PLEKHG3: variants seen among roughly 807,000 people sequenced by gnomAD.
The protein encoded by PLEKHG3 is pleckstrin homology and RhoGEF domain containing G3, also known as pleckstrin homology domain-containing family G member 3.
A neutral mutation model predicts 94.9 loss-of-function variants in PLEKHG3; 62 were observed. That is an observed-to-expected ratio of 0.65 (90% CI 0.53 to 0.81). PLEKHG3 has a LOEUF of 0.81. Ranked by LOEUF, PLEKHG3 falls within the 30% of genes least tolerant of loss-of-function variation. The pLI is 0.00. For synonymous variants in PLEKHG3, 614 were observed against 654.0 expected (o/e 0.94, Z 0.93); for missense variants, 1,461 against 1,619.3 (o/e 0.90, Z 1.68).
In PLEKHG3 at chr14:64,743,205, C is replaced by T. The variant is rs1262341874; in HGVS notation, c.3162C>T (p.Cys1054=). 3 of 1,609,908 alleles carry T rather than the reference C, an allele frequency of 1.9e-6. No individual in the cohort carries two copies. Among genetic ancestry groups the T allele is most frequent in the Non-Finnish European group, 2.5e-6 (3 of 1,179,856 alleles). ...TFSWPDVREL[C]SKYASRDEAR... ...GCTGGCCCGACGTCCGTGAGCTCTG[C>T]TCCAAGTATGCCTCCCGCGATGAGG... The change falls in exon 17 of 17, where the codon TGC becomes TGT. Residue 1054 remains cysteine (C), a synonymous_variant. Transcript: ENST00000247226. This position sits in a 1 kb window ranked among gnomAD's most constrained non-coding sequence, Gnocchi z 7.2.
rs72724479 is a variant in PLEKHG3, at chr14:64,743,551, C to T, written c.3508C>T (p.Pro1170Ser). 1.8e-3 allele frequency: 2,889 copies of T among 1,612,990 alleles called. 5 individuals carry two copies. Among genetic ancestry groups the T allele is most frequent in the Non-Finnish European group, 2.2e-3 (2,563 of 1,179,922 alleles). Reference sequence around the variant, plus strand: ...GAGCAGTGGCCAGGGACCAAGCTCACCGGTGGCCCTGCTGGGGCAGGTTCA... The same window carrying T: ...GAGCAGTGGCCAGGGACCAAGCTCATCGGTGGCCCTGCTGGGGCAGGTTCA... ...EESSGQGPSS[P>S]VALLGQVQDF... is the part of the protein sequence containing the mutation. Residue 1170 changes from proline to serine, a missense_variant, in exon 17 of 17, where the codon CCG (proline) becomes TCG (serine). Physicochemically the swap from Pro to Ser is moderately conservative, Grantham distance 74. Around this residue, in one of 3 missense-constraint regions of PLEKHG3, gnomAD observed 1,201 missense variants for 1,295.5 expected, o/e 0.93. Transcript: ENST00000247226. This position sits in a 1 kb window ranked among gnomAD's most constrained non-coding sequence, Gnocchi z 7.2.
intron 1 of PLEKHG3, among the ~76,000 whole-genome samples, chr14:64,719,174 T>A (rs1355965950): frequency 6.6e-6 from 1 of 152,154 alleles, no homozygotes; most frequent in Non-Finnish European, 1.5e-5. Context: ...AGAAGATGGA[T>A]AAACACACGG....
At position 64,732,445 on chromosome 14, in the gene PLEKHG3, G is replaced by A. The variant is rs777988761; in HGVS notation, c.1231G>A (p.Glu411Lys). 1 of 1,613,548 alleles carries A rather than the reference G, an allele frequency of 6.2e-7. No individual in the cohort carries two copies. Among genetic ancestry groups the A allele is most frequent in the Non-Finnish European group, 8.5e-7 (1 of 1,179,574 alleles). ...CCTTCAGGCCAAGGAAGCCATCTTGGAAATGGATTCCTATTGTAAGTGTAC... is the reference window on the plus strand; with the variant it reads ...CCTTCAGGCCAAGGAAGCCATCTTGAAAATGGATTCCTATTGTAAGTGTAC... ...IPQKAKEAIL[E>K]MDSYYPNRYR... Residue 411 changes from glutamate (E) to lysine (K), a missense_variant, in exon 11 of 17, where the codon GAA becomes AAA. Transcript: ENST00000247226. This position sits in a 1 kb window ranked among gnomAD's most constrained non-coding sequence, Gnocchi z 4.9.
In PLEKHG3 at chr14:64,742,225, T is replaced by C. The variant is rs998117640; in HGVS notation, c.2708T>C (p.Leu903Pro). 18 of 1,612,988 alleles carry C rather than the reference T, an allele frequency of 1.1e-5. No homozygotes were observed. Among genetic ancestry groups the C allele is most frequent in the Non-Finnish European group, 1.4e-5 (16 of 1,179,922 alleles). ...SSTQGELVAP[L>P]HPRIVQLSHV... ...ACCCAGGGGGAGCTGGTGGCCCCAC[T>C]GCACCCCCGCATCGTGCAGCTCTCC... is the stretch of plus-strand genomic sequence containing the variant. The change falls in exon 16 of 17, where the codon CTG (leucine) becomes CCG (proline). Residue 903 changes from leucine (L) to proline (P), a missense_variant. By Grantham distance (98) the Leu-to-Pro change is moderately conservative. Coordinates refer to ENST00000247226, the MANE Select transcript of PLEKHG3 (RefSeq NM_001308147.2).
In PLEKHG3 at chr14:64,732,278, T is replaced by C; in HGVS notation, c.1212+97T>C. 1 of 1,293,494 alleles carries C rather than the reference T, an allele frequency of 7.7e-7. No homozygotes were observed. Among genetic ancestry groups the C allele is most frequent in the South Asian group, 1.2e-5 (1 of 83,576 alleles). The allele number at this position is 1,293,494 out of a possible 1,614,324, so 80.1% of individuals were successfully genotyped here. ...GGGGGCTCACCTTCTGGATTTGGGCTCCAGTGGACAGTGAGTGTCAGTACA... is the reference window on the plus strand; with the variant it reads ...GGGGGCTCACCTTCTGGATTTGGGCCCCAGTGGACAGTGAGTGTCAGTACA... On this transcript the variant is annotated intron_variant, in intron 10 of 16. Transcript: ENST00000247226. The surrounding 1 kb of genome is among the most constrained non-coding windows in gnomAD (Gnocchi z 4.9).
Position 64,730,573 on chromosome 14 carries a change from A to G in PLEKHG3, c.520-69A>G. On this transcript the variant is annotated intron_variant, in intron 4 of 16. Transcript: ENST00000247226. This position sits in a 1 kb window ranked among gnomAD's most constrained non-coding sequence, Gnocchi z 5.4. ...AGGGTGCTCTGGGGGCCAGGGGCCT[A>G]TCTGCTACCACCATCTTTACTGTCA... 1 of 1,344,048 alleles carries G rather than the reference A, an allele frequency of 7.4e-7. No individual in the cohort carries two copies. 83.3% of individuals were successfully genotyped at this position (1,344,048 alleles called of 1,614,324 possible). A position where few individuals can be genotyped will look rare whatever the true frequency, so the allele number is the denominator to read the frequency against.
At position 64,742,364 on chromosome 14, in the gene PLEKHG3, G is replaced by A. The variant is rs559214199; in HGVS notation, c.2847G>A (p.Leu949=). The A allele has an allele frequency of 3.7e-6, 6 of 1,613,052 alleles. No individual in the cohort carries two copies. Among genetic ancestry groups the A allele is most frequent in the Admixed American group, 1.7e-5 (1 of 60,034 alleles). Residue 949 remains leucine (L), a synonymous_variant, in exon 16 of 17, where the codon CTG becomes CTA. Coordinates refer to ENST00000247226, the MANE Select transcript of PLEKHG3 (RefSeq NM_001308147.2). ...SNKPVMARPP[L]QWEKVAPERD... is the part of the protein sequence containing the mutation. ...AGCCAGTGATGGCCAGGCCACCACT[G>A]CAGTGGGAAAAGGTGGCCCCTGAGA... is the stretch of plus-strand genomic sequence containing the variant.
Position 64,742,113 on chromosome 14 carries a change from C to T in PLEKHG3, c.2596C>T (p.Pro866Ser). The change falls in exon 16 of 17, where the codon CCG becomes TCG. Residue 866 changes from proline to serine, a missense_variant. Around this residue, in one of 3 missense-constraint regions of PLEKHG3, gnomAD observed 1,201 missense variants for 1,295.5 expected, o/e 0.93. Coordinates refer to ENST00000247226, the MANE Select transcript of PLEKHG3 (RefSeq NM_001308147.2). ...CACAGAGGAGTCGGCCACTGCCTCCCCGGAAAGCTCCTCTCCCACTGAGGG... is the reference window on the plus strand; with the variant it reads ...CACAGAGGAGTCGGCCACTGCCTCCTCGGAAAGCTCCTCTCCCACTGAGGG... ...AITEESATAS[P>S]ESSSPTEGRS... is the part of the protein sequence containing the mutation. The T allele has an allele frequency of 1.2e-6, 2 of 1,610,592 alleles. No homozygotes were observed. The highest frequency in any genetic ancestry group is 1.7e-6 in the Non-Finnish European group (2 of 1,179,832).
chr14:64,731,894 T>TGCCCCAA lies in PLEKHG3; in HGVS notation c.1125+95_1125+101dup. On this transcript the variant is annotated intron_variant, in intron 9 of 16. Coordinates refer to ENST00000247226, the MANE Select transcript of PLEKHG3 (RefSeq NM_001308147.2). This position sits in a 1 kb window ranked among gnomAD's most constrained non-coding sequence, Gnocchi z 6.1. ...CTCCTGGCTCCTCTGCTCACCTAGC[T>TGCCCCAA]GCCCCAAGCCCCAGTGTCTCCATCT... 1.0e-6 allele frequency: 1 copy of TGCCCCAA among 1,000,004 alleles called. No individual in the cohort carries two copies. Among genetic ancestry groups the TGCCCCAA allele is most frequent in the South Asian group, 1.3e-5 (1 of 76,944 alleles). 61.9% of individuals were successfully genotyped at this position (1,000,004 alleles called of 1,614,324 possible).
intron 14 of PLEKHG3, chr14:64,737,784 C>T (rs77641956): frequency 3.0e-6 from 2 of 673,248 alleles, no homozygotes; most frequent in Non-Finnish European, 2.0e-6. Flanking sequence ...TGTGAAGGCT[C>T]CCCCCCCGCA....
rs1362702965 is a variant in PLEKHG3, at chr14:64,721,866, CGGGTGGCCCA to C, written c.-39-5725_-39-5716del. ...GGGCCTCTGGGGACAGTTTGGGAGCCGGGTGGCCCAGAGTGGTGCCGAGCTGTGGGTAAGA... is the reference window on the plus strand; with the variant it reads ...GGGCCTCTGGGGACAGTTTGGGAGCCGAGTGGTGCCGAGCTGTGGGTAAGA... On this transcript the variant is annotated intron_variant, in intron 1 of 16. Transcript: ENST00000247226. This position sits in a 1 kb window ranked among gnomAD's most constrained non-coding sequence, Gnocchi z 4.3. Among the ~76,000 whole-genome samples the C allele has an allele frequency of 6.6e-6, 1 of 152,062 alleles. No homozygotes were observed. Among genetic ancestry groups the C allele is most frequent in the East Asian group, 1.9e-4 (1 of 5,164 alleles).
chr14:64,705,237 C>G (rs376966119), intron 1 of PLEKHG3, among the ~76,000 whole-genome samples: 1 of 152,216 alleles, frequency 6.6e-6, no homozygotes, highest in African/African-American at 2.4e-5. Context: ...GCGGAAAGCC[C>G]GGCCACCAGC....
chr14:64,705,384 G>T (rs952619477), intron 1 of PLEKHG3, among the ~76,000 whole-genome samples: 1 of 152,236 alleles, frequency 6.6e-6, no homozygotes, highest in African/African-American at 2.4e-5. Context: ...ACTCTTCGGG[G>T]CGCCTTTGGA....
intron 16 of PLEKHG3, 80 bp downstream of exon 16, chr14:64,742,535 GA>G: frequency 9.5e-7 from 1 of 1,056,868 alleles, no homozygotes; most frequent in Non-Finnish European, 1.3e-6. Flanking sequence ...GCTCCTCGGG[GA>G]AAGTGACCTC....
In PLEKHG3 at chr14:64,716,493, CACA is replaced by C. The variant is rs1160980013; in HGVS notation, c.-39-11096_-39-11094del. On this transcript the variant is annotated intron_variant, in intron 1 of 16. Coordinates refer to ENST00000247226, the MANE Select transcript of PLEKHG3 (RefSeq NM_001308147.2). This position sits in a 1 kb window ranked among gnomAD's most constrained non-coding sequence, Gnocchi z 5.0. ...CACACACACACACAACACACACACACACAACACACACACACACACACACACACA... is the reference window on the plus strand; with the variant it reads ...CACACACACACACAACACACACACACACACACACACACACACACACACACA... Among the ~76,000 whole-genome samples, 174 of 87,314 alleles carry C rather than the reference CACA, an allele frequency of 2.0e-3. 1 individual carries two copies. Among genetic ancestry groups the C allele is most frequent in the East Asian group, 5.1e-3 (8 of 1,580 alleles). The allele number at this position is 87,314 out of a possible 152,430, so 57.3% of individuals were successfully genotyped here.
Position 64,731,273 on chromosome 14 carries a change from G to A in PLEKHG3, c.850-88G>A. 3 of 1,451,610 alleles carry A rather than the reference G, an allele frequency of 2.1e-6. No individual in the cohort carries two copies. The highest frequency in any genetic ancestry group is 1.9e-6 in the Non-Finnish European group (2 of 1,043,318). 89.9% of individuals were successfully genotyped at this position (1,451,610 alleles called of 1,614,324 possible). ...CCCTGCTGGGATGAGCTGGGCAGTGGCATTGGGGGAGCCTTTGTGGCAGGG... is the reference window on the plus strand; with the variant it reads ...CCCTGCTGGGATGAGCTGGGCAGTGACATTGGGGGAGCCTTTGTGGCAGGG... On this transcript the variant is annotated intron_variant, in intron 7 of 16. Transcript: ENST00000247226. This position sits in a 1 kb window ranked among gnomAD's most constrained non-coding sequence, Gnocchi z 6.1.
In PLEKHG3 at chr14:64,746,177, G is replaced by T. The variant is rs1384494947; in HGVS notation, c.*2474G>T. The T allele has an allele frequency of 6.6e-6, 1 of 152,156 alleles. No individual in the cohort carries two copies. Among genetic ancestry groups the T allele is most frequent in the Non-Finnish European group, 1.5e-5 (1 of 68,026 alleles). 9.4% of individuals were successfully genotyped at this position (152,156 alleles called of 1,614,324 possible). On this transcript the variant is annotated 3_prime_UTR_variant, in exon 17 of 17. Coordinates refer to ENST00000247226, the MANE Select transcript of PLEKHG3 (RefSeq NM_001308147.2). This position sits in a 1 kb window ranked among gnomAD's most constrained non-coding sequence, Gnocchi z 4.9. ...TGCAGTCGTCCCATAAGGCTCCCAGGGACAAGCTAGAGAATCTGGCTGTCC... is the reference window on the plus strand; with the variant it reads ...TGCAGTCGTCCCATAAGGCTCCCAGTGACAAGCTAGAGAATCTGGCTGTCC...
In PLEKHG3 at chr14:64,741,145, C is replaced by T. The variant is rs111495423; in HGVS notation, c.1628C>T (p.Thr543Ile). The change falls in exon 16 of 17, where the codon ACA becomes ATA. Residue 543 changes from threonine (T) to isoleucine (I), a missense_variant. By Grantham distance (89) the Thr-to-Ile change is moderately conservative. Transcript: ENST00000247226. ...ACAGAATCTCCAGAAGTCCTGGAGA[C>T]ACAGCTTGATGCCCACCAGGGCCTT... ...SDTESPEVLE[T>I]QLDAHQGLLG... The T allele has an allele frequency of 9.9e-6, 16 of 1,614,088 alleles. No individual in the cohort carries two copies. The highest frequency in any genetic ancestry group is 8.0e-5 in the African/African-American group (6 of 75,062).
chr14:64,731,713 G>A lies in PLEKHG3; in HGVS notation c.1033-1G>A. The A allele has an allele frequency of 6.2e-7, 1 of 1,611,116 alleles. No homozygotes were observed. The highest frequency in any genetic ancestry group is 8.5e-7 in the Non-Finnish European group (1 of 1,177,406). On this transcript the variant is annotated splice_acceptor_variant, in intron 8 of 16. Coordinates refer to ENST00000247226, the MANE Select transcript of PLEKHG3 (RefSeq NM_001308147.2). LOFTEE classifies it high-confidence loss of function. The surrounding 1 kb of genome is among the most constrained non-coding windows in gnomAD (Gnocchi z 6.1). ...TGACTGTCCTTTCCCTCTGCCCCTA[G>A]TGCTCCTCCCTGATGCTGATCGAAA...
Sources: allele counts gnomAD v4.1 joint callset (sites outside exome capture counted in the v4.1 genomes callset), GRCh38; gene constraint gnomAD v4.1.1; regional missense constraint gnomAD v4.1.1; non-coding constraint Gnocchi (gnomAD v3.1); transcripts MANE v1.5; gene names NCBI Gene and HGNC (gene_info 2026-07-23, HGNC 2026-07-21).